RANBP2: variants seen among roughly 807,000 people sequenced by gnomAD.
RANBP2 encodes RAN binding protein 2, also known as E3 SUMO-protein ligase RanBP2.
RANBP2 carries 57 observed loss-of-function variants against 303.6 expected under a neutral mutation model. The observed-to-expected ratio is 0.19, with a 90% CI of 0.15 to 0.23. The LOEUF is 0.23. Among genes scored for constraint, RANBP2 ranks in the 10% least tolerant of loss-of-function variants. The pLI is 1.00. For synonymous variants in RANBP2, 1,167 were observed against 1,301.5 expected (o/e 0.90, Z 2.23); for missense variants, 3,138 against 3,780.8 (o/e 0.83, Z 4.46).
At chr2:109,528,493 C>T in the RANBP2 span, among the ~76,000 whole-genome samples, 97 of 152,306 alleles carry the variant, frequency 6.4e-4, no homozygotes, top group East Asian at 1.7e-3. Flanking sequence ...CCAGGATGCC[C>T]GCCACAGCCA....
the RANBP2 span, among the ~76,000 whole-genome samples, chr2:109,550,673 G>C: frequency 6.6e-6 from 1 of 152,194 alleles, no homozygotes; most frequent in Non-Finnish European, 1.5e-5. Flanking sequence ...TGAGCTAGCA[G>C]ATGACTTCCA....
the RANBP2 span, among the ~76,000 whole-genome samples, chr2:109,010,001 G>A: frequency 5.9e-5 from 9 of 152,016 alleles, no homozygotes; most frequent in African/African-American, 2.2e-4. Flanking sequence ...CTAACAGTTG[G>A]CTAATGTTCT....
the RANBP2 span, among the ~76,000 whole-genome samples, chr2:109,345,294 C>T: frequency 6.6e-6 from 1 of 151,898 alleles, no homozygotes; most frequent in South Asian, 2.1e-4. Context: ...GGTGGGGAGG[C>T]CAGAAAGGAA....
the RANBP2 span, among the ~76,000 whole-genome samples, chr2:109,353,481 G>A: frequency 6.6e-6 from 1 of 152,196 alleles, no homozygotes; most frequent in African/African-American, 2.4e-5. Flanking sequence ...CCTGAGGGTG[G>A]GTTGAGACCC....
chr2:109,397,279 TG>T, the RANBP2 span, among the ~76,000 whole-genome samples: 1 of 149,316 alleles, frequency 6.7e-6, no homozygotes, highest in Non-Finnish European at 1.5e-5. Flanking sequence ...AGAGGGCAGC[TG>T]GCATTTACTC....
At chr2:109,562,518 T>C in the RANBP2 span, among the ~76,000 whole-genome samples, 1 of 150,468 alleles carries the variant, frequency 6.6e-6, no homozygotes, top group Non-Finnish European at 1.5e-5. Flanking sequence ...GACAAACTAT[T>C]TGCTGAATGA....
At chr2:109,250,560 A>G in the RANBP2 span, among the ~76,000 whole-genome samples, 1 of 152,040 alleles carries the variant, frequency 6.6e-6, no homozygotes, top group African/African-American at 2.4e-5. Flanking sequence ...CTTTTTCAAA[A>G]CATGATAAAT....
At chr2:109,263,900 C>T in the RANBP2 span, among the ~76,000 whole-genome samples, 37 of 152,166 alleles carry the variant, frequency 2.4e-4, no homozygotes, top group Admixed American at 2.2e-3. Context: ...ACCCAGGAGA[C>T]GGAGCTTGCA....
At chr2:109,260,460 C>G in the RANBP2 span, among the ~76,000 whole-genome samples, 1 of 152,222 alleles carries the variant, frequency 6.6e-6, no homozygotes, top group Non-Finnish European at 1.5e-5. Flanking sequence ...AAGCATCTGC[C>G]TCCCAGTGGC....
chr2:108,976,756 CTTT>C, the RANBP2 span, among the ~76,000 whole-genome samples: 1 of 152,110 alleles, frequency 6.6e-6, no homozygotes, highest in Non-Finnish European at 1.5e-5. Context: ...ACTGGGAGCT[CTTT>C]TAGTTGGTTT....
the RANBP2 span, chr2:109,501,563 C>T: frequency 2.7e-4 from 213 of 779,556 alleles, 1 homozygote; most frequent in Admixed American, 5.1e-4. Flanking sequence ...TGAAGGAAGG[C>T]GACATCGTCT....
chr2:109,185,491 CA>C, the RANBP2 span, among the ~76,000 whole-genome samples: 70 of 152,174 alleles, frequency 4.6e-4, 1 homozygote, highest in South Asian at 0.012. Flanking sequence ...TTACTTGAGT[CA>C]CAGAGCATGT....
chr2:108,986,781 T>C, the RANBP2 span, among the ~76,000 whole-genome samples: 1 of 152,168 alleles, frequency 6.6e-6, no homozygotes, highest in Non-Finnish European at 1.5e-5. Context: ...TCTTTGGGAC[T>C]TAAAAAAAAT....
At chr2:108,850,955 C>G in the RANBP2 span, among the ~76,000 whole-genome samples, 110 of 152,296 alleles carry the variant, frequency 7.2e-4, no homozygotes, top group African/African-American at 2.0e-3. Flanking sequence ...AGTGTCAGAT[C>G]CCACAAGTTG....
chr2:108,725,483 T>C (rs1217014701), intron 1 of RANBP2, among the ~76,000 whole-genome samples: 1 of 152,230 alleles, frequency 6.6e-6, no homozygotes, highest in Non-Finnish European at 1.5e-5. Flanking sequence ...GGGAACTGGC[T>C]GGGCTCAATG....
chr2:109,341,240 G>A, the RANBP2 span, among the ~76,000 whole-genome samples: 13 of 152,308 alleles, frequency 8.5e-5, no homozygotes, highest in East Asian at 2.3e-3. Context: ...ATAATTATCT[G>A]TAAAACAAAA....
At chr2:108,988,321 C>T in the RANBP2 span, among the ~76,000 whole-genome samples, 1 of 152,320 alleles carries the variant, frequency 6.6e-6, no homozygotes, top group Non-Finnish European at 1.5e-5. Flanking sequence ...TGAATCAGAG[C>T]CGACTCCTGT....
the RANBP2 span, among the ~76,000 whole-genome samples, chr2:108,939,149 C>CT: frequency 6.6e-6 from 1 of 152,048 alleles, no homozygotes; most frequent in Non-Finnish European, 1.5e-5. Flanking sequence ...CTCTTCAGCA[C>CT]TTTAATACAC....
chr2:109,321,361 T>G, the RANBP2 span, among the ~76,000 whole-genome samples: 1 of 152,254 alleles, frequency 6.6e-6, no homozygotes, highest in Admixed American at 6.5e-5. Flanking sequence ...AACGTCATCA[T>G]TCATTGCCAA....
Sources: gnomAD v4.1 joint callset for allele counts (sites outside exome capture counted in the v4.1 genomes callset) on GRCh38, gnomAD v4.1.1 for gene constraint, MANE v1.5 for transcripts, NCBI Gene and HGNC (gene_info 2026-07-23, HGNC 2026-07-21) for gene names.